Variants in DCAF8 observed in about 807,000 individuals in gnomAD.
DCAF8 encodes the protein DDB1- and CUL4-associated factor 8.
A neutral mutation model predicts 68.0 loss-of-function variants in DCAF8; 20 were observed. The ratio of observed to expected loss-of-function variants is 0.29; its 90% CI spans 0.21 to 0.43. The LOEUF is 0.43. Among genes scored for constraint, DCAF8 ranks in the 20% least tolerant of loss-of-function variants. The pLI is 1.00. For missense variants in DCAF8, 460 were observed against 771.0 expected, an observed-to-expected ratio of 0.60 and a Z score of 4.78; for synonymous variants, 230 against 276.9, an observed-to-expected ratio of 0.83 and a Z score of 1.68.
rs568137923 is a variant in DCAF8, at chr1:160,245,940, A to G, written c.-26-1906T>C. Among the ~76,000 whole-genome samples the G allele has an allele frequency of 5.3e-5, 8 of 152,286 alleles. No homozygotes were observed. The South Asian group carries it at 1.7e-3, about 32-fold the overall frequency. On this transcript the variant is annotated intron_variant, in intron 2 of 13. Coordinates refer to ENST00000368074, the MANE Select transcript of DCAF8 (RefSeq NM_015726.4). Reference sequence around the variant, plus strand: ...GATCACCTGAGGTCAGGAGTTCGAGACCAGCCTGAGCAACATGGAGAAACC... The same window carrying G: ...GATCACCTGAGGTCAGGAGTTCGAGGCCAGCCTGAGCAACATGGAGAAACC...
At chr1:160,236,413 T>C (rs1469084865) in intron 6 of DCAF8, among the ~76,000 whole-genome samples, 1 of 151,602 alleles carries the variant, frequency 6.6e-6, no homozygotes, top group Non-Finnish European at 1.5e-5. Flanking sequence ...TATATGTGTG[T>C]GTATATATGT....
chr1:160,260,652 C>A (rs935463160), intron 2 of DCAF8, among the ~76,000 whole-genome samples: 7 of 152,040 alleles, frequency 4.6e-5, no homozygotes, highest in Non-Finnish European at 1.0e-4. Flanking sequence ...GCTGAATGCC[C>A]AGGATGTTTC....
In DCAF8 at chr1:160,252,846, T is replaced by G. The variant is rs537599644; in HGVS notation, c.-27+8439A>C. Among the ~76,000 whole-genome samples, 34 of 151,366 alleles carry G rather than the reference T, an allele frequency of 2.2e-4. 1 individual carries two copies. In the South Asian group the frequency reaches 7.3e-3, roughly 32 times the overall value. On this transcript the variant is annotated intron_variant, in intron 2 of 13. Coordinates refer to ENST00000368074, the MANE Select transcript of DCAF8 (RefSeq NM_015726.4). Reference sequence around the variant, plus strand: ...AGTCTGGCGCCCAGAGAAAATCAAGTGACACAAATGAGAAGCTGGCAGGTG... The same window carrying G: ...AGTCTGGCGCCCAGAGAAAATCAAGGGACACAAATGAGAAGCTGGCAGGTG...
intron 5 of DCAF8, 55 bp downstream of exon 5, chr1:160,238,552 C>A: frequency 6.6e-7 from 1 of 1,516,414 alleles, no homozygotes; most frequent in Non-Finnish European, 8.9e-7. Flanking sequence ...AGAACCTTGG[C>A]TGAGAACCAC....
intron 2 of DCAF8, among the ~76,000 whole-genome samples, chr1:160,250,296 C>G (rs1443615113): frequency 2.0e-5 from 3 of 151,718 alleles, no homozygotes; most frequent in Admixed American, 2.0e-4. Context: ...AAACCCCATC[C>G]CTATTAAAAG....
chr1:160,256,176 C>T, intron 2 of DCAF8, among the ~76,000 whole-genome samples: 1 of 151,884 alleles, frequency 6.6e-6, no homozygotes, highest in East Asian at 1.9e-4. Context: ...ATAAAAACAT[C>T]CAGGACCATT....
chr1:160,240,893 G>T (rs1329042542), intron 3 of DCAF8, among the ~76,000 whole-genome samples: 1 of 152,194 alleles, frequency 6.6e-6, no homozygotes, highest in East Asian at 1.9e-4. Flanking sequence ...GGCCAGGCAC[G>T]GTGGCTCACG....
rs1485253023 is a variant in DCAF8, at chr1:160,217,478, TA to T, written c.*113del. 4.2e-6 allele frequency: 3 copies of T among 718,844 alleles called. No individual in the cohort carries two copies. The highest frequency in any genetic ancestry group is 1.8e-5 in the African/African-American group (1 of 56,510). 44.5% of individuals were successfully genotyped at this position (718,844 alleles called of 1,614,324 possible). On this transcript the variant is annotated 3_prime_UTR_variant, in exon 14 of 14. Coordinates refer to ENST00000368074, the MANE Select transcript of DCAF8 (RefSeq NM_015726.4). Reference sequence around the variant, plus strand: ...TCTCCTGGGATGTCTTTCTTTTATCTAAAGCAAAAAGTCCAAAGTGCGTTTC... The same window carrying T: ...TCTCCTGGGATGTCTTTCTTTTATCTAAGCAAAAAGTCCAAAGTGCGTTTC...
At chr1:160,218,568 A>G (rs1655199044) in intron 12 of DCAF8, 128 bp from the exon 13 acceptor site, 3 of 817,156 alleles carry the variant, frequency 3.7e-6, no homozygotes, top group Non-Finnish European at 6.1e-6. Flanking sequence ...TTAGATTAGG[A>G]AATGATGCCC....
At chr1:160,239,544 T>G in intron 4 of DCAF8, 153 bp downstream of exon 4, 6 of 1,554,428 alleles carry the variant, frequency 3.9e-6, no homozygotes, top group Non-Finnish European at 5.2e-6. Flanking sequence ...AGTCTTTCAG[T>G]GTATTTAGGT....
At position 160,238,598 on chromosome 1, in the gene DCAF8, C is replaced by T; in HGVS notation, c.864+9G>A. The T allele has an allele frequency of 2.5e-6, 4 of 1,593,126 alleles. No homozygotes were observed. Among genetic ancestry groups the T allele is most frequent in the Non-Finnish European group, 3.4e-6 (4 of 1,170,220 alleles). The stretch of plus-strand genomic sequence containing the variant: ...GATTGCACAAATTTTGGAGCAAGGT[C>T]TTACTTACCTTGTGGGACGCTCCCT... On this transcript the variant is annotated intron_variant, in intron 5 of 13. Transcript: ENST00000368074.
intron 2 of DCAF8, among the ~76,000 whole-genome samples, chr1:160,253,806 A>G (rs1161924115): frequency 6.6e-6 from 1 of 152,008 alleles, no homozygotes. Flanking sequence ...AGCCTGGGTG[A>G]CAGAGCAAGT....
intron 2 of DCAF8, among the ~76,000 whole-genome samples, chr1:160,260,730 T>C (rs888646766): frequency 7.9e-5 from 12 of 151,968 alleles, no homozygotes; most frequent in Admixed American, 7.9e-4. Flanking sequence ...TTTTTTTTTT[T>C]TACAAAAAAT....
At chr1:160,250,686 T>A (rs1000247323) in intron 2 of DCAF8, among the ~76,000 whole-genome samples, 2 of 152,154 alleles carry the variant, frequency 1.3e-5, no homozygotes, top group African/African-American at 2.4e-5. Flanking sequence ...CAACCAAGAC[T>A]GCCTGTGTGA....
At chr1:160,255,810 G>A (rs1656813217) in intron 2 of DCAF8, among the ~76,000 whole-genome samples, 1 of 150,732 alleles carries the variant, frequency 6.6e-6, no homozygotes, top group Non-Finnish European at 1.5e-5. Flanking sequence ...AGTAGACACA[G>A]GGTTTTGCTA....
At chr1:160,228,692 A>T (rs1360242138) in intron 7 of DCAF8, among the ~76,000 whole-genome samples, 1 of 151,886 alleles carries the variant, frequency 6.6e-6, no homozygotes, top group Non-Finnish European at 1.5e-5. Flanking sequence ...CCTAAACTAA[A>T]ATTCAGTATT....
chr1:160,231,505 C>T (rs1181507985), intron 6 of DCAF8, 98 bp from the exon 7 acceptor site: 9 of 767,832 alleles, frequency 1.2e-5, no homozygotes, highest in African/African-American at 1.8e-5. Flanking sequence ...AATAAGAAAC[C>T]AAAGAGATTC....
At position 160,222,720 on chromosome 1, in the gene DCAF8, C is replaced by T; in HGVS notation, c.1371G>A (p.Gly457=). Residue 457 remains glycine (G), a synonymous_variant, in exon 11 of 14, where the codon GGG becomes GGA. Transcript: ENST00000368074. ...ATGATTTCTCCCAGAGGAAGATGTG[C>T]CCACAGTCACTACCGCTCACCACAA... ...SEFVVSGSDC[G]HIFLWEKSSC... is the part of the protein sequence containing the mutation. 6.2e-7 allele frequency: 1 copy of T among 1,614,160 alleles called. No individual in the cohort carries two copies. The highest frequency in any genetic ancestry group is 8.5e-7 in the Non-Finnish European group (1 of 1,180,026).
Position 160,246,137 on chromosome 1 carries a change from G to A in DCAF8, c.-26-2103C>T, listed in dbSNP as rs943908437. ...AGCCTGGGCAACAAGAGCAAACTCC[G>A]TCTCAAAAAAAAAAATTAAAAAAAA... On this transcript the variant is annotated intron_variant, in intron 2 of 13. Transcript: ENST00000368074. Among the ~76,000 whole-genome samples the A allele has an allele frequency of 9.9e-5, 15 of 151,186 alleles. No individual in the cohort carries two copies. In the East Asian group the frequency reaches 1.2e-3, roughly 12 times the overall value.
Sources: gnomAD v4.1 joint callset for allele counts (sites outside exome capture counted in the v4.1 genomes callset) on GRCh38, gnomAD v4.1.1 for gene constraint, MANE v1.5 for transcripts, NCBI Gene and HGNC (gene_info 2026-07-23, HGNC 2026-07-21) for gene names.